Variants in ZNF385B observed in about 807,000 individuals in gnomAD.
The protein encoded by ZNF385B is zinc finger protein 533.
In ZNF385B, 23 loss-of-function variants were observed where a neutral mutation model predicts 39.2. The observed-to-expected ratio is 0.59, with a 90% confidence interval of 0.42 to 0.83. The LOEUF is 0.83. ZNF385B is among the 40% of genes least tolerant of loss of function. The probability of loss-of-function intolerance (pLI) is 0.00; values close to 1 mark genes in which losing one functional copy is unlikely to be tolerated. For synonymous variants in ZNF385B, 205 were observed against 222.6 expected (o/e 0.92, Z 0.70); for missense variants, 552 against 598.9 (o/e 0.92, Z 0.82).
intron 5 of ZNF385B, among the ~76,000 whole-genome samples, chr2:179,515,390 G>A (rs1488609763): frequency 6.6e-6 from 1 of 152,170 alleles, no homozygotes; most frequent in Non-Finnish European, 1.5e-5. Context: ...ATTGTACTGA[G>A]AGATGTTTTC....
At chr2:179,590,632 A>G (rs1687475446) in intron 3 of ZNF385B, among the ~76,000 whole-genome samples, 1 of 152,082 alleles carries the variant, frequency 6.6e-6, no homozygotes, top group African/African-American at 2.4e-5. Flanking sequence ...TCCTCACCCA[A>G]ATCTCATCTT....
chr2:179,684,902 T>C (rs1697808353), intron 3 of ZNF385B, among the ~76,000 whole-genome samples: 3 of 152,242 alleles, frequency 2.0e-5, no homozygotes, highest in Admixed American at 2.0e-4. Context: ...ATAGCAATAC[T>C]GAAAATAATA....
intron 3 of ZNF385B, among the ~76,000 whole-genome samples, chr2:179,752,438 GGGTATATACCCAGTAAT>G (rs1204610456): frequency 6.6e-6 from 1 of 152,156 alleles, no homozygotes; most frequent in Non-Finnish European, 1.5e-5. Context: ...ATAATCCTTT[GGGTATATACCCAGTAAT>G]GGGATAGCTG....
At chr2:179,755,182 A>T (rs1339455470) in intron 3 of ZNF385B, among the ~76,000 whole-genome samples, 3 of 152,006 alleles carry the variant, frequency 2.0e-5, no homozygotes, top group Non-Finnish European at 2.9e-5. Flanking sequence ...CCTTCATTTC[A>T]TTATGTACCC....
chr2:179,576,899 C>T (rs540688465), intron 3 of ZNF385B, among the ~76,000 whole-genome samples: 2 of 152,094 alleles, frequency 1.3e-5, no homozygotes, highest in Non-Finnish European at 2.9e-5. Flanking sequence ...GGAATCTCTG[C>T]TGCACTGTTT....
intron 4 of ZNF385B, among the ~76,000 whole-genome samples, chr2:179,521,322 G>A (rs2058477320): frequency 6.9e-6 from 1 of 145,104 alleles, no homozygotes; most frequent in Admixed American, 6.9e-5. Flanking sequence ...GAGTGGCTGG[G>A]ATTATAGGCA....
intron 6 of ZNF385B, among the ~76,000 whole-genome samples, chr2:179,463,526 C>G (rs1406837928): frequency 6.6e-6 from 1 of 151,984 alleles, no homozygotes; most frequent in African/African-American, 2.4e-5. Context: ...CCAACAGGCC[C>G]CAGAGTGTGA....
At chr2:179,841,135 C>T (rs1299834601) in intron 1 of ZNF385B, among the ~76,000 whole-genome samples, 2 of 152,164 alleles carry the variant, frequency 1.3e-5, no homozygotes. Flanking sequence ...GGGATCACAT[C>T]GTACAAGGCA....
At chr2:179,642,704 G>C (rs1272593313) in intron 3 of ZNF385B, among the ~76,000 whole-genome samples, 2 of 152,114 alleles carry the variant, frequency 1.3e-5, no homozygotes, top group Non-Finnish European at 2.9e-5. Flanking sequence ...TGGTGCCTTA[G>C]GAAGAGTAAA....
At chr2:179,693,574 G>C (rs369958555) in intron 3 of ZNF385B, among the ~76,000 whole-genome samples, 1 of 152,224 alleles carries the variant, frequency 6.6e-6, no homozygotes, top group East Asian at 1.9e-4. Flanking sequence ...CTTAGAGTTC[G>C]ATAACTAATT....
chr2:179,465,636 T>G (rs1205614228), intron 6 of ZNF385B, among the ~76,000 whole-genome samples: 1 of 152,166 alleles, frequency 6.6e-6, no homozygotes, highest in Non-Finnish European at 1.5e-5. Flanking sequence ...ATTCACCGTT[T>G]AAACTAGCAT....
chr2:179,703,759 G>C (rs1165406634), intron 3 of ZNF385B, among the ~76,000 whole-genome samples: 4 of 152,204 alleles, frequency 2.6e-5, no homozygotes, highest in Non-Finnish European at 5.9e-5. Context: ...AATATTGAGT[G>C]CCCACATATA....
In ZNF385B at chr2:179,746,853, G is replaced by A. The variant is rs146795544; in HGVS notation, c.298+22650C>T. Among the ~76,000 whole-genome samples, 13 of 152,200 alleles carry A rather than the reference G, an allele frequency of 8.5e-5. No homozygotes were observed. In the East Asian group the frequency reaches 2.5e-3, roughly 29 times the overall value. On this transcript the variant is annotated intron_variant, in intron 3 of 9. Coordinates refer to ENST00000410066, the MANE Select transcript of ZNF385B (RefSeq NM_152520.6). ...ATATACCCCAGAAAGCAGTAGCAGT[G>A]CTTTGAGATCACAAAATATACAGAT...
intron 3 of ZNF385B, among the ~76,000 whole-genome samples, chr2:179,580,328 C>A (rs140010929): frequency 6.6e-6 from 1 of 152,112 alleles, no homozygotes; most frequent in Non-Finnish European, 1.5e-5. Flanking sequence ...AAGCCACTAA[C>A]GTAATCTTCC....
intron 5 of ZNF385B, among the ~76,000 whole-genome samples, chr2:179,509,633 A>G (rs2057515968): frequency 2.0e-5 from 3 of 152,202 alleles, no homozygotes; most frequent in Admixed American, 2.0e-4. Flanking sequence ...CAATATAAAT[A>G]GTCTTATTTA....
intron 3 of ZNF385B, among the ~76,000 whole-genome samples, chr2:179,548,315 C>A (rs2105917948): frequency 6.7e-6 from 1 of 149,680 alleles, no homozygotes; most frequent in African/African-American, 2.5e-5. Flanking sequence ...TCTCCAGTAA[C>A]AAGCATCCTT....
intron 1 of ZNF385B, among the ~76,000 whole-genome samples, chr2:179,811,797 G>A (rs1277848043): frequency 1.3e-5 from 2 of 151,772 alleles, no homozygotes; most frequent in African/African-American, 4.8e-5. Context: ...AAAAATTGAC[G>A]AGTGGGACCT....
At chr2:179,817,307 T>C (rs1707126883) in intron 1 of ZNF385B, among the ~76,000 whole-genome samples, 2 of 152,322 alleles carry the variant, frequency 1.3e-5, no homozygotes, top group Admixed American at 6.5e-5. Flanking sequence ...TTTCATGATA[T>C]ATTGTTTGCC....
At chr2:179,576,041 G>T in intron 3 of ZNF385B, 1 of 652,394 alleles carries the variant, frequency 1.5e-6, no homozygotes, top group South Asian at 6.8e-5. Context: ...TAAGTTAGAC[G>T]ATGGCAACTC....
Sources: gnomAD v4.1 joint callset for allele counts (sites outside exome capture counted in the v4.1 genomes callset) on GRCh38, gnomAD v4.1.1 for gene constraint, MANE v1.5 for transcripts, NCBI Gene and HGNC (gene_info 2026-07-23, HGNC 2026-07-21) for gene names.